Variants in GALNTL6 observed in about 807,000 individuals in gnomAD.
GALNTL6 encodes the protein polypeptide N-acetylgalactosaminyltransferase like 6, also known as polypeptide N-acetylgalactosaminyltransferase-like 6.
In GALNTL6, 46 loss-of-function variants were observed where a neutral mutation model predicts 73.7. The observed-to-expected ratio is 0.62, with a 90% CI of 0.49 to 0.80. The LOEUF (loss-of-function observed/expected upper bound fraction) is 0.80. Among genes scored for constraint, GALNTL6 ranks in the 30% least tolerant of loss-of-function variants. The probability of loss-of-function intolerance (pLI) is 0.00; values close to 1 mark genes in which losing one functional copy is unlikely to be tolerated. For synonymous variants in GALNTL6, 259 were observed against 263.7 expected (o/e 0.98, Z 0.17); for missense variants, 604 against 755.0 (o/e 0.80, Z 2.34).
chr4:172,864,726 T>C (rs1744575486), intron 7 of GALNTL6, among the ~76,000 whole-genome samples: 1 of 152,256 alleles, frequency 6.6e-6, no homozygotes, highest in South Asian at 2.1e-4. Context: ...CAAAGTTACA[T>C]GTGATGTTAA....
intron 2 of GALNTL6, among the ~76,000 whole-genome samples, chr4:172,041,703 T>C (rs1411777723): frequency 6.6e-6 from 1 of 152,086 alleles, no homozygotes; most frequent in Non-Finnish European, 1.5e-5. Flanking sequence ...CAGGTGTACT[T>C]TGTATAACTT....
intron 2 of GALNTL6, among the ~76,000 whole-genome samples, chr4:172,001,085 T>C (rs1740659105): frequency 6.6e-6 from 1 of 152,198 alleles, no homozygotes; most frequent in Admixed American, 6.6e-5. Context: ...GTTGTAATAG[T>C]ACGTAGTCAT....
intron 5 of GALNTL6, among the ~76,000 whole-genome samples, chr4:172,635,055 A>G (rs1560847933): frequency 6.6e-6 from 1 of 152,206 alleles, no homozygotes; most frequent in African/African-American, 2.4e-5. Flanking sequence ...CAAACTACTC[A>G]AAGTCATAAT....
chr4:172,797,394 G>T (rs995401687), intron 5 of GALNTL6, among the ~76,000 whole-genome samples: 1 of 151,926 alleles, frequency 6.6e-6, no homozygotes, highest in Non-Finnish European at 1.5e-5. Flanking sequence ...CTAGGCGAAC[G>T]CCGCTACGCC....
intron 2 of GALNTL6, among the ~76,000 whole-genome samples, chr4:171,876,704 C>A (rs776289778): frequency 6.6e-6 from 1 of 152,180 alleles, no homozygotes; most frequent in Non-Finnish European, 1.5e-5. Flanking sequence ...AAATGGCATA[C>A]ATCTTCTGAG....
chr4:173,029,512 G>A (rs1341852637), intron 12 of GALNTL6, among the ~76,000 whole-genome samples: 1 of 152,182 alleles, frequency 6.6e-6, no homozygotes, highest in Non-Finnish European at 1.5e-5. Context: ...TTGTAAGAAT[G>A]TTGTCAACAA....
intron 7 of GALNTL6, among the ~76,000 whole-genome samples, chr4:172,833,096 G>A (rs55925077): frequency 6.6e-6 from 1 of 150,796 alleles, no homozygotes; most frequent in South Asian, 2.1e-4. Context: ...GGGGTGGGGG[G>A]TAGGGAGTGT....
chr4:172,591,105 G>A (rs756564504), intron 5 of GALNTL6, among the ~76,000 whole-genome samples: 2 of 152,182 alleles, frequency 1.3e-5, no homozygotes, highest in Admixed American at 6.5e-5. Context: ...GCACCAAGGT[G>A]TAGGTAAAAT....
chr4:172,878,988 A>G (rs907614441), intron 7 of GALNTL6, among the ~76,000 whole-genome samples: 18 of 151,898 alleles, frequency 1.2e-4, no homozygotes, highest in African/African-American at 4.1e-4. Context: ...GACAAAATAG[A>G]TGACAGAGTG....
Position 172,034,561 on chromosome 4 carries a change from G to C in GALNTL6, c.139-195095G>C, listed in dbSNP as rs117235556. Among the ~76,000 whole-genome samples, 73 of 152,126 alleles carry C rather than the reference G, an allele frequency of 4.8e-4. No homozygotes were observed. The East Asian group carries it at 0.011, about 23-fold the overall frequency. On this transcript the variant is annotated intron_variant, in intron 2 of 12. Transcript: ENST00000506823. ...TTTGGCAAGTCAGACTCAGTGGTGT[G>C]ATGTGCACACTTAGTCATCTTACAT...
chr4:171,952,037 G>C (rs1265979150), intron 2 of GALNTL6, among the ~76,000 whole-genome samples: 1 of 151,944 alleles, frequency 6.6e-6, no homozygotes, highest in Non-Finnish European at 1.5e-5. Context: ...AAGTGTAATA[G>C]AGTAACAAAA....
At chr4:172,177,860 C>CACATATAT (rs1735097513) in intron 2 of GALNTL6, among the ~76,000 whole-genome samples, 1 of 142,858 alleles carries the variant, frequency 7.0e-6, no homozygotes, top group Non-Finnish European at 1.6e-5. Flanking sequence ...TATATACACA[C>CACATATAT]ATACTAAGGC....
rs972467236 is a variant in GALNTL6, at chr4:171,814,385, G to A, written c.-169-27G>A. On this transcript the variant is annotated intron_variant, in intron 1 of 12. Coordinates refer to ENST00000506823, the MANE Select transcript of GALNTL6 (RefSeq NM_001034845.3). ...TGCCTTCGTCATAGTTTTCTGGGGG[G>A]AAAGTAACTGTGCGTTTGTTCTGCA... 5.0e-6 allele frequency: 3 copies of A among 603,552 alleles called. No individual in the cohort carries two copies. In the African/African-American group the frequency reaches 5.6e-5, roughly 11 times the overall value. 37.4% of individuals were successfully genotyped at this position (603,552 alleles called of 1,614,324 possible).
chr4:172,437,765 T>C (rs930272570), intron 5 of GALNTL6, among the ~76,000 whole-genome samples: 2 of 152,120 alleles, frequency 1.3e-5, no homozygotes, highest in African/African-American at 4.8e-5. Flanking sequence ...CCAGGCTTTC[T>C]ATTTTCCATA....
intron 7 of GALNTL6, among the ~76,000 whole-genome samples, chr4:172,862,375 C>T (rs758010068): frequency 3.3e-5 from 5 of 152,046 alleles, no homozygotes; most frequent in Non-Finnish European, 2.9e-5. Flanking sequence ...AATTTCTAAG[C>T]GGCAAAGTGT....
At chr4:172,570,895 C>T (rs1736733552) in intron 5 of GALNTL6, among the ~76,000 whole-genome samples, 2 of 152,158 alleles carry the variant, frequency 1.3e-5, no homozygotes, top group Admixed American at 6.5e-5. Context: ...ATTAGATGCT[C>T]ATAAGAAGAG....
At chr4:172,385,655 T>G (rs1251636953) in intron 5 of GALNTL6, among the ~76,000 whole-genome samples, 1 of 152,104 alleles carries the variant, frequency 6.6e-6, no homozygotes. Context: ...CTATTATGTC[T>G]TTGAATCTTG....
intron 2 of GALNTL6, 106 bp downstream of exon 2, chr4:171,814,824 T>C (rs1734480210): frequency 2.7e-6 from 3 of 1,129,192 alleles, no homozygotes; most frequent in South Asian, 2.6e-5. Context: ...TTCCCCCAAG[T>C]CTTGACAGAG....
chr4:172,453,867 A>C (rs775016617), intron 5 of GALNTL6, among the ~76,000 whole-genome samples: 1 of 152,260 alleles, frequency 6.6e-6, no homozygotes, highest in Admixed American at 6.5e-5. Context: ...AATGACAGCA[A>C]GAAACATGAC....
Sources: allele counts gnomAD v4.1 joint callset (sites outside exome capture counted in the v4.1 genomes callset), GRCh38; gene constraint gnomAD v4.1.1; transcripts MANE v1.5; gene names NCBI Gene and HGNC (gene_info 2026-07-23, HGNC 2026-07-21).